TAB2: variants seen among roughly 807,000 people sequenced by gnomAD.
The protein encoded by TAB2 is TGF-beta activated kinase 1 (MAP3K7) binding protein 2.
Under a neutral mutation model 65.0 loss-of-function variants are expected in TAB2, and 3 were observed. The observed-to-expected ratio is 0.05, with a 90% CI of 0.02 to 0.12. TAB2 has a LOEUF of 0.12. Among genes scored for constraint, TAB2 ranks in the 10% least tolerant of loss-of-function variants. The probability of loss-of-function intolerance (pLI) is 1.00; values close to 1 mark genes in which losing one functional copy is unlikely to be tolerated. For synonymous variants in TAB2, 298 were observed against 285.1 expected (o/e 1.05, Z -0.46); for missense variants, 623 against 840.3 (o/e 0.74, Z 3.20).
upstream of TAB2, among the ~76,000 whole-genome samples, chr6:149,218,263 G>A (rs1583027509): frequency 6.6e-6 from 1 of 152,144 alleles, no homozygotes; most frequent in African/African-American, 2.4e-5. Context: ...TACTCGGATA[G>A]GTTGGTTCTT....
chr6:149,342,729 C>T (rs779746841), intron 1 of TAB2: 2 of 152,096 alleles, frequency 1.3e-5, no homozygotes, highest in African/African-American at 2.4e-5. Flanking sequence ...AGAAGTATCC[C>T]GTAGAGATGA....
chr6:149,395,247 A>G lies in TAB2; in HGVS notation c.1604-2357A>G, dbSNP rs569466094. ...TATGTTTTGAGTGTTTTTTATAAGCAGCATATAGCTGAGGTTTTACAATTC... is the reference window on the plus strand; with the variant it reads ...TATGTTTTGAGTGTTTTTTATAAGCGGCATATAGCTGAGGTTTTACAATTC... On this transcript the variant is annotated intron_variant, in intron 3 of 6. Coordinates refer to ENST00000637181, the MANE Select transcript of TAB2 (RefSeq NM_001292034.3). Among the ~76,000 whole-genome samples, 12 of 152,402 alleles carry G rather than the reference A, an allele frequency of 7.9e-5. No individual in the cohort carries two copies. The South Asian group carries it at 1.4e-3, about 18-fold the overall frequency.
intron 1 of TAB2, among the ~76,000 whole-genome samples, chr6:149,305,209 T>C (rs1021516827): frequency 6.6e-6 from 1 of 152,228 alleles, no homozygotes. Flanking sequence ...TTTAAATTGT[T>C]TTGTCATGGA....
chr6:149,378,638 C>T lies in TAB2; in HGVS notation c.723C>T (p.Pro241=), dbSNP rs746032729. The part of the protein sequence containing the change: ...QHSGWVSQFN[P]MNPQQVYQPS... ...CTGGCTGGGTATCTCAGTTTAATCC[C>T]ATGAACCCTCAGCAAGTTTATCAGC... is the stretch of plus-strand genomic sequence containing the variant. Residue 241 remains proline, a synonymous_variant, in exon 3 of 7, where the codon CCC becomes CCT. Coordinates refer to ENST00000637181, the MANE Select transcript of TAB2 (RefSeq NM_001292034.3). 4.3e-6 allele frequency: 7 copies of T among 1,613,208 alleles called. No homozygotes were observed. In the South Asian group the frequency reaches 6.6e-5, roughly 15 times the overall value.
chr6:149,309,710 T>TC (rs1190376458), intron 1 of TAB2, among the ~76,000 whole-genome samples: 2 of 105,762 alleles, frequency 1.9e-5, no homozygotes, highest in Non-Finnish European at 3.7e-5. Context: ...ATTATTCCTC[T>TC]TTAAAAAAAA....
chr6:149,378,839 C>T lies in TAB2; in HGVS notation c.924C>T (p.Ala308=). The T allele has an allele frequency of 6.2e-7, 1 of 1,614,130 alleles. No individual in the cohort carries two copies. Among genetic ancestry groups the T allele is most frequent in the Non-Finnish European group, 8.5e-7 (1 of 1,180,036 alleles). Reference sequence around the variant, plus strand: ...CATCTGGTAGCTCACAGTCTTCTGCCCATAGCCAATATAACATTCAGAATA... The same window carrying T: ...CATCTGGTAGCTCACAGTCTTCTGCTCATAGCCAATATAACATTCAGAATA... The part of the protein sequence containing the change: ...IHSSGSSQSS[A]HSQYNIQNIS... Residue 308 remains alanine (A), a synonymous_variant, in exon 3 of 7, where the codon GCC becomes GCT. Coordinates refer to ENST00000637181, the MANE Select transcript of TAB2 (RefSeq NM_001292034.3).
chr6:149,354,267 C>A (rs967016841), intron 1 of TAB2, among the ~76,000 whole-genome samples: 3 of 152,270 alleles, frequency 2.0e-5, no homozygotes, highest in Non-Finnish European at 4.4e-5. Flanking sequence ...AGTAGGTAAA[C>A]AAGCACTCTA....
intron 1 of TAB2, among the ~76,000 whole-genome samples, chr6:149,254,657 T>C (rs186904732): frequency 6.6e-6 from 1 of 152,342 alleles, no homozygotes; most frequent in Non-Finnish European, 1.5e-5. Flanking sequence ...TAATTATACA[T>C]GTCACTTCTC....
At chr6:149,251,180 C>T (rs879487694) in intron 1 of TAB2, among the ~76,000 whole-genome samples, 19 of 152,178 alleles carry the variant, frequency 1.2e-4, no homozygotes, top group Non-Finnish European at 2.5e-4. Context: ...TGACTGTAAA[C>T]GTGGACACCT....
intron 3 of TAB2, among the ~76,000 whole-genome samples, chr6:149,387,232 T>C (rs237036): frequency 0.13 from 19,410 of 152,208 alleles, 1,305 homozygotes; most frequent in African/African-American, 0.18. Context: ...TTATATAATA[T>C]TAGTTCTTAT....
At chr6:149,328,541 C>G (rs1056196600) in intron 1 of TAB2, among the ~76,000 whole-genome samples, 5 of 152,178 alleles carry the variant, frequency 3.3e-5, no homozygotes, top group Non-Finnish European at 5.9e-5. Context: ...ATTGGCCCGC[C>G]TTGACCTACC....
chr6:149,230,432 T>C (rs978258586), intron 1 of TAB2, among the ~76,000 whole-genome samples: 3 of 152,214 alleles, frequency 2.0e-5, no homozygotes, highest in East Asian at 1.9e-4. Flanking sequence ...CCACGCTTGT[T>C]AGTTTTCTAC....
At chr6:149,282,207 T>C (rs1028689038) in intron 1 of TAB2, among the ~76,000 whole-genome samples, 1 of 151,952 alleles carries the variant, frequency 6.6e-6, no homozygotes, top group Non-Finnish European at 1.5e-5. Context: ...TGTCAATTCA[T>C]CAGAAAAACA....
chr6:149,270,468 T>C (rs1039359630), intron 1 of TAB2, among the ~76,000 whole-genome samples: 11 of 152,260 alleles, frequency 7.2e-5, no homozygotes, highest in African/African-American at 2.6e-4. Context: ...TTAATAACAG[T>C]ATATTGAATA....
Position 149,410,084 on chromosome 6 carries a change from A to C in TAB2, c.*365A>C. The C allele has an allele frequency of 3.5e-6, 1 of 284,996 alleles. No individual in the cohort carries two copies. Among genetic ancestry groups the C allele is most frequent in the South Asian group, 4.3e-5 (1 of 23,030 alleles). 17.7% of individuals were successfully genotyped at this position (284,996 alleles called of 1,614,324 possible). A position where few individuals can be genotyped will look rare whatever the true frequency, so the allele number is the denominator to read the frequency against. On this transcript the variant is annotated 3_prime_UTR_variant, in exon 7 of 7. Coordinates refer to ENST00000637181, the MANE Select transcript of TAB2 (RefSeq NM_001292034.3). ...TTTGACAGGAGGAAGGAATAGAATG[A>C]TAGCTTGTTTTATTTGTAAAGCTTT...
intron 1 of TAB2, among the ~76,000 whole-genome samples, chr6:149,327,507 C>T (rs528652705): frequency 6.6e-6 from 1 of 152,308 alleles, no homozygotes; most frequent in East Asian, 1.9e-4. Context: ...ACCTGATAAA[C>T]ATGAGCGTCT....
At chr6:149,317,598 G>C (rs1779291821), upstream of TAB2, 1 of 154,680 alleles carries the variant, frequency 6.5e-6, no homozygotes, top group Admixed American at 6.6e-5. The surrounding 1 kb of genome is among the most constrained non-coding windows in gnomAD (Gnocchi z 4.7). Flanking sequence ...GAGCGAGCGA[G>C]AGCTGGGGGG....
At chr6:149,332,485 G>T (rs1779813843) in intron 1 of TAB2, among the ~76,000 whole-genome samples, 1 of 152,270 alleles carries the variant, frequency 6.6e-6, no homozygotes, top group Non-Finnish European at 1.5e-5. Flanking sequence ...TTGTAATTGG[G>T]AGGTGATTTG....
intron 2 of TAB2, among the ~76,000 whole-genome samples, chr6:149,373,443 T>C (rs1179462371): frequency 1.3e-5 from 2 of 152,228 alleles, no homozygotes; most frequent in African/African-American, 4.8e-5. Flanking sequence ...TCCATATTTC[T>C]ATGATAACAC....
Sources: allele counts gnomAD v4.1 joint callset (sites outside exome capture counted in the v4.1 genomes callset), GRCh38; gene constraint gnomAD v4.1.1; non-coding constraint Gnocchi (gnomAD v3.1); transcripts MANE v1.5; gene names NCBI Gene and HGNC (gene_info 2026-07-23, HGNC 2026-07-21).